THSD4: variants seen among roughly 807,000 people sequenced by gnomAD.
THSD4 encodes thrombospondin type 1 domain containing 4.
In THSD4, 69 loss-of-function variants were observed where a neutral mutation model predicts 119.0. The ratio of observed to expected loss-of-function variants is 0.58; its 90% CI spans 0.48 to 0.71. The LOEUF (loss-of-function observed/expected upper bound fraction) is 0.71, where lower values mean the gene tolerates loss of function less well. Ranked by LOEUF, THSD4 falls within the 30% of genes least tolerant of loss-of-function variation. The probability of loss-of-function intolerance (pLI) is 0.00; values close to 1 mark genes in which losing one functional copy is unlikely to be tolerated. For missense variants in THSD4, 1,393 were observed against 1,391.1 expected (o/e 1.00, Z -0.02); for synonymous variants, 524 against 540.4 (o/e 0.97, Z 0.42).
intron 8 of THSD4, among the ~76,000 whole-genome samples, chr15:71,697,026 G>A (rs2052179133): frequency 1.3e-5 from 2 of 152,192 alleles, no homozygotes; most frequent in South Asian, 2.1e-4. Flanking sequence ...TCTCAGGTGA[G>A]GAGAACAGGA....
chr15:71,441,317 A>G (rs1005161544), intron 7 of THSD4, among the ~76,000 whole-genome samples: 1 of 34,310 alleles, frequency 2.9e-5, no homozygotes, highest in African/African-American at 8.9e-5. Context: ...GTAACTGGAT[A>G]TTGGGATCAG....
intron 7 of THSD4, among the ~76,000 whole-genome samples, chr15:71,492,219 A>G (rs993353203): frequency 1.3e-5 from 2 of 151,726 alleles, no homozygotes; most frequent in Non-Finnish European, 2.9e-5. Flanking sequence ...CCATTAGTCT[A>G]AGGTAGTATG....
intron 6 of THSD4, among the ~76,000 whole-genome samples, chr15:71,409,503 G>T (rs945374402): frequency 6.6e-6 from 1 of 152,118 alleles, no homozygotes; most frequent in Non-Finnish European, 1.5e-5. Context: ...TGATGATTTC[G>T]TTTGAAATAA....
At chr15:71,338,136 A>G (rs546496331) in intron 6 of THSD4, among the ~76,000 whole-genome samples, 2 of 152,318 alleles carry the variant, frequency 1.3e-5, no homozygotes, top group East Asian at 3.9e-4. Context: ...TATGGTTTCA[A>G]ACACTGAAGA....
At chr15:71,703,567 T>C (rs1173677887) in intron 8 of THSD4, among the ~76,000 whole-genome samples, 1 of 152,120 alleles carries the variant, frequency 6.6e-6, no homozygotes, top group African/African-American at 2.4e-5. Flanking sequence ...GGACAGGGTC[T>C]TACATCGCAC....
chr15:71,638,341 T>C (rs2050790711), intron 7 of THSD4, among the ~76,000 whole-genome samples: 1 of 152,332 alleles, frequency 6.6e-6, no homozygotes, highest in East Asian at 1.9e-4. Flanking sequence ...CACTCTGACT[T>C]GTGTGACACA....
intron 6 of THSD4, among the ~76,000 whole-genome samples, chr15:71,358,160 C>T (rs1278691430): frequency 4.6e-5 from 7 of 152,196 alleles, no homozygotes; most frequent in Non-Finnish European, 1.0e-4. Context: ...GGCTTAGTCA[C>T]ATTTGGCTGG....
At chr15:71,399,665 G>A (rs2046498826) in intron 6 of THSD4, among the ~76,000 whole-genome samples, 2 of 152,180 alleles carry the variant, frequency 1.3e-5, no homozygotes, top group Admixed American at 1.3e-4. Flanking sequence ...AGAAGCATCA[G>A]TTAGAGCAGA....
In THSD4 at chr15:71,765,020, T is replaced by C. The variant is rs749651547; in HGVS notation, c.2590T>C (p.Cys864Arg). Residue 864 changes from cysteine (C) to arginine (R), a missense_variant and splice_region_variant, in exon 16 of 18, where the codon TGT becomes CGT. Cys to Arg is a radical substitution (Grantham distance 180). Coordinates refer to ENST00000261862, the MANE Select transcript of THSD4 (RefSeq NM_024817.3). The stretch of plus-strand genomic sequence containing the variant: ...CATCTTTTTCTGCTTCTTTCTGCAG[T>C]GTTCCATCGAGTGTGGGAGCGGGAC... ...VEWFAGSWSQ[C>R]SIECGSGTQQ... The C allele has an allele frequency of 1.2e-6, 2 of 1,613,154 alleles. No individual in the cohort carries two copies. Among genetic ancestry groups the C allele is most frequent in the Non-Finnish European group, 1.7e-6 (2 of 1,179,452 alleles).
intron 7 of THSD4, among the ~76,000 whole-genome samples, chr15:71,563,086 A>T (rs916223030): frequency 2.0e-5 from 3 of 152,174 alleles, no homozygotes; most frequent in Non-Finnish European, 4.4e-5. Context: ...GTCTCCCAGT[A>T]AGCCTGTAAG....
intron 6 of THSD4, among the ~76,000 whole-genome samples, chr15:71,408,656 A>C (rs932526699): frequency 2.0e-5 from 3 of 152,080 alleles, no homozygotes; most frequent in Non-Finnish European, 4.4e-5. Context: ...GTTTGAGACC[A>C]CCCTGGGCAA....
chr15:71,522,617 A>G (rs1461473797), intron 7 of THSD4, among the ~76,000 whole-genome samples: 1 of 152,250 alleles, frequency 6.6e-6, no homozygotes, highest in Admixed American at 6.5e-5. Context: ...GTCACCTAAT[A>G]TGTGCCCAAT....
intron 6 of THSD4, among the ~76,000 whole-genome samples, chr15:71,314,982 G>A (rs1455801318): frequency 6.6e-6 from 1 of 152,048 alleles, no homozygotes; most frequent in Non-Finnish European, 1.5e-5. Flanking sequence ...AAAGATTCAG[G>A]CTCATAGTTA....
At chr15:71,143,059 T>G (rs1330071978) in intron 2 of THSD4, among the ~76,000 whole-genome samples, 5 of 152,170 alleles carry the variant, frequency 3.3e-5, no homozygotes, top group Admixed American at 2.0e-4. Flanking sequence ...TGGGCAGACG[T>G]GTGCAGGCCT....
At chr15:71,697,170 A>G (rs1349571015) in intron 8 of THSD4, among the ~76,000 whole-genome samples, 2 of 152,210 alleles carry the variant, frequency 1.3e-5, no homozygotes, top group African/African-American at 4.8e-5. Context: ...CATGAGGGAA[A>G]ATGTGCCAGA....
Position 71,381,352 on chromosome 15 carries a change from A to G in THSD4, c.1016-30335A>G, listed in dbSNP as rs538549165. On this transcript the variant is annotated intron_variant, in intron 6 of 17. Transcript: ENST00000261862. ...ATCTTATGAAGTTCATTCAAATTGC[A>G]TATCTTAACAATTTTAGTATTGGCT... is the stretch of plus-strand genomic sequence containing the variant. 9.1e-4 allele frequency among the ~76,000 whole-genome samples: 138 copies of G among 152,330 alleles called. 4 individuals carry two copies. In the South Asian group the frequency reaches 0.027, roughly 29 times the overall value.
At chr15:71,259,400 G>A (rs1249202490) in intron 6 of THSD4, among the ~76,000 whole-genome samples, 2 of 152,184 alleles carry the variant, frequency 1.3e-5, no homozygotes. Flanking sequence ...ATTTTGTCAT[G>A]CAGCTCTAGG....
intron 4 of THSD4, among the ~76,000 whole-genome samples, chr15:71,235,651 G>A (rs1162502136): frequency 9.1e-5 from 13 of 143,408 alleles, no homozygotes; most frequent in African/African-American, 1.3e-4. Flanking sequence ...GCAGTGGCAC[G>A]ATCTCAGCTC....
At chr15:71,146,726 C>A (rs2040665578) in intron 2 of THSD4, among the ~76,000 whole-genome samples, 1 of 152,102 alleles carries the variant, frequency 6.6e-6, no homozygotes, top group African/African-American at 2.4e-5. Context: ...CTGTGGGAAG[C>A]CCGGGAGGAG....
Sources: gnomAD v4.1 joint callset for allele counts (sites outside exome capture counted in the v4.1 genomes callset) on GRCh38, gnomAD v4.1.1 for gene constraint, MANE v1.5 for transcripts, NCBI Gene and HGNC (gene_info 2026-07-23, HGNC 2026-07-21) for gene names.